NIPA1: variants seen among roughly 807,000 people sequenced by gnomAD.
NIPA1 encodes the protein NIPA magnesium transporter 1.
Under a neutral mutation model 23.9 loss-of-function variants are expected in NIPA1, and 13 were observed. The ratio of observed to expected loss-of-function variants is 0.54; its 90% CI spans 0.35 to 0.87. NIPA1 has a LOEUF of 0.87. NIPA1 is among the 40% of genes least tolerant of loss of function. The pLI, the probability that NIPA1 is intolerant of heterozygous loss-of-function variation, is 0.01. For missense variants in NIPA1, 362 were observed against 429.7 expected (o/e 0.84, Z 1.39); for synonymous variants, 234 against 202.9 (o/e 1.15, Z -1.30).
At chr15:22,802,410 T>A (rs1311334442) in intron 1 of NIPA1, among the ~76,000 whole-genome samples, 16 of 116,726 alleles carry the variant, frequency 1.4e-4, no homozygotes, top group South Asian at 2.9e-4. Flanking sequence ...AAAAAAAAAA[T>A]TTAAACCACT....
intron 1 of NIPA1, among the ~76,000 whole-genome samples, chr15:22,793,550 C>G (rs892447389): frequency 5.9e-5 from 9 of 151,888 alleles, no homozygotes; most frequent in African/African-American, 2.2e-4. Context: ...AAGGGATCCT[C>G]CTGCCTCAGC....
chr15:22,799,943 CAAAAAAAAA>C (rs61174589), intron 1 of NIPA1, among the ~76,000 whole-genome samples: 26 of 47,020 alleles, frequency 5.5e-4, no homozygotes, highest in Middle Eastern at 0.036. Flanking sequence ...GACCCTGTCT[CAAAAAAAAA>C]AAAAAAAAAA....
At position 22,825,646 on chromosome 15, in the gene NIPA1, C is replaced by A. The variant is rs1315313340; in HGVS notation, c.*1407C>A. 1.3e-5 allele frequency: 2 copies of A among 152,166 alleles called. No individual in the cohort carries two copies. The highest frequency in any genetic ancestry group is 2.9e-5 in the Non-Finnish European group (2 of 68,026). 9.4% of individuals were successfully genotyped at this position (152,166 alleles called of 1,614,324 possible). On this transcript the variant is annotated 3_prime_UTR_variant, in exon 5 of 5. Coordinates refer to ENST00000337435, the MANE Select transcript of NIPA1 (RefSeq NM_144599.5). ...ATAGCTCATATATCGAGTACCCTGT[C>A]ATACAGGAACAAGTTAAAGGACACA...
chr15:22,821,491 T>C (rs1895537721), intron 4 of NIPA1, among the ~76,000 whole-genome samples: 1 of 151,684 alleles, frequency 6.6e-6, no homozygotes, highest in Non-Finnish European at 1.5e-5. Context: ...CTGGTTTTCA[T>C]ATCCACACTC....
intron 3 of NIPA1, among the ~76,000 whole-genome samples, chr15:22,818,331 G>A (rs1895466814): frequency 6.6e-6 from 1 of 152,084 alleles, no homozygotes; most frequent in Non-Finnish European, 1.5e-5. Context: ...AGCTACTTGG[G>A]AGGCTGAGGC....
At chr15:22,805,265 A>G (rs1176556785) in intron 1 of NIPA1, among the ~76,000 whole-genome samples, 1 of 152,240 alleles carries the variant, frequency 6.6e-6, no homozygotes, top group Non-Finnish European at 1.5e-5. Flanking sequence ...AAGAACTTCA[A>G]ATATTAAGTC....
intron 1 of NIPA1, among the ~76,000 whole-genome samples, chr15:22,801,166 G>T (rs1251100110): frequency 6.6e-6 from 1 of 151,980 alleles, no homozygotes; most frequent in East Asian, 1.9e-4. Flanking sequence ...TCGTGAGCTT[G>T]TCCCCCTGTT....
intron 3 of NIPA1, among the ~76,000 whole-genome samples, chr15:22,818,463 T>C (rs1444354701): frequency 6.6e-6 from 1 of 150,998 alleles, no homozygotes; most frequent in Non-Finnish European, 1.5e-5. Flanking sequence ...ACAGAAACTC[T>C]TACAGTGCAT....
intron 1 of NIPA1, among the ~76,000 whole-genome samples, chr15:22,797,932 C>A (rs1294923918): frequency 6.6e-6 from 1 of 151,580 alleles, no homozygotes. Context: ...GCAAGCTCCG[C>A]CTCCTGGGTT....
intron 3 of NIPA1, chr15:22,813,835 G>C: frequency 2.6e-6 from 1 of 389,388 alleles, no homozygotes; most frequent in East Asian, 7.3e-5. Context: ...TTTGTGTTTC[G>C]GATGGCTCTG....
At chr15:22,806,025 A>G (rs539002381) in intron 1 of NIPA1, among the ~76,000 whole-genome samples, 78 of 152,048 alleles carry the variant, frequency 5.1e-4, no homozygotes, top group African/African-American at 1.7e-3. Context: ...CTGGGTTCAC[A>G]CCATTCTCCT....
chr15:22,815,600 A>T (rs559810945), intron 3 of NIPA1, among the ~76,000 whole-genome samples: 1 of 152,208 alleles, frequency 6.6e-6, no homozygotes, highest in Admixed American at 6.5e-5. Flanking sequence ...TGGGTGACAG[A>T]GCAAAACTCT....
At position 22,822,092 on chromosome 15, in the gene NIPA1, A is replaced by G. The variant is rs537235792; in HGVS notation, c.478+1619A>G. On this transcript the variant is annotated intron_variant, in intron 4 of 4. Transcript: ENST00000337435. ...GGGGTGTAATGTTATTGACTGGGAC[A>G]CTTGAGGTCTTGCTATCAACAAAAT... 9.2e-5 allele frequency among the ~76,000 whole-genome samples: 14 copies of G among 152,282 alleles called. 1 individual carries two copies. In the South Asian group the frequency reaches 2.9e-3, roughly 32 times the overall value.
intron 1 of NIPA1, among the ~76,000 whole-genome samples, chr15:22,798,319 A>G (rs575429101): frequency 6.9e-6 from 1 of 145,432 alleles, no homozygotes; most frequent in East Asian, 2.1e-4. Context: ...AGCTCACTGC[A>G]GGCTCCGCTT....
chr15:22,790,634 G>A (rs976027410), intron 1 of NIPA1, among the ~76,000 whole-genome samples: 2 of 151,838 alleles, frequency 1.3e-5, no homozygotes, highest in Non-Finnish European at 2.9e-5. Context: ...GGCTGGTCTC[G>A]AACTTCCAAA....
rs147232331 is a variant in NIPA1 at position 22,823,885 on chromosome 15, G to A, written c.636G>A (p.Ala212=). The A allele has an allele frequency of 7.4e-6, 12 of 1,614,006 alleles. No individual in the cohort carries two copies. Among genetic ancestry groups the A allele is most frequent in the Non-Finnish European group, 9.3e-6 (11 of 1,179,980 alleles). ...CTTCCACCAAGGGCATCGGGCTGGC[G>A]GCCCAAGACATCTTGCATAACAACC... ...TVPSTKGIGL[A]AQDILHNNPS... The change falls in exon 5 of 5, where the codon GCG becomes GCA. Residue 212 remains alanine, a synonymous_variant. Transcript: ENST00000337435.
At chr15:22,794,697 G>A (rs988017738) in intron 1 of NIPA1, among the ~76,000 whole-genome samples, 13 of 151,982 alleles carry the variant, frequency 8.6e-5, no homozygotes, top group African/African-American at 2.4e-4. Flanking sequence ...ACTGGCTCTG[G>A]GGTGGATGTA....
rs1895636774 is a variant in NIPA1 at position 22,825,703 on chromosome 15, A to G, written c.*1464A>G. ...GTTAGGCTAGCTTCTACAAATTGCA[A>G]TATGCAGTTTTTGAAAGATTTTCTA... is the stretch of plus-strand genomic sequence containing the variant. On this transcript the variant is annotated 3_prime_UTR_variant, in exon 5 of 5. Coordinates refer to ENST00000337435, the MANE Select transcript of NIPA1 (RefSeq NM_144599.5). 1 of 152,438 alleles carries G rather than the reference A, an allele frequency of 6.6e-6. No individual in the cohort carries two copies. Among genetic ancestry groups the G allele is most frequent in the African/African-American group, 2.4e-5 (1 of 41,442 alleles). 9.4% of individuals were successfully genotyped at this position (152,438 alleles called of 1,614,324 possible).
chr15:22,813,314 T>G (rs1895354582), intron 3 of NIPA1, among the ~76,000 whole-genome samples: 1 of 152,120 alleles, frequency 6.6e-6, no homozygotes, highest in Non-Finnish European at 1.5e-5. Context: ...TTTAATTTTA[T>G]TTCTCCATTT....
Sources: gnomAD v4.1 joint callset for allele counts (sites outside exome capture counted in the v4.1 genomes callset) on GRCh38, gnomAD v4.1.1 for gene constraint, MANE v1.5 for transcripts, NCBI Gene and HGNC (gene_info 2026-07-23, HGNC 2026-07-21) for gene names.